GABRA2: variants seen among roughly 807,000 people sequenced by gnomAD.
GABRA2 encodes the protein gamma-aminobutyric acid type A receptor subunit alpha2.
A neutral mutation model predicts 48.7 loss-of-function variants in GABRA2; 16 were observed. The observed-to-expected ratio is 0.33, with a 90% confidence interval of 0.22 to 0.50. The LOEUF (loss-of-function observed/expected upper bound fraction) is 0.50, where lower values mean the gene tolerates loss of function less well. GABRA2 is among the 20% of genes least tolerant of loss of function. The pLI is 0.98. For missense variants in GABRA2, 275 were observed against 535.6 expected (o/e 0.51, Z 4.80); for synonymous variants, 185 against 184.5 (o/e 1.00, Z -0.02).
chr4:46,322,284 G>A (rs772173731), intron 4 of GABRA2, among the ~76,000 whole-genome samples: 31 of 152,004 alleles, frequency 2.0e-4, no homozygotes, highest in Non-Finnish European at 2.8e-4. Context: ...AAGCATTGCC[G>A]TAATGTGAGA....
chr4:46,292,108 T>C (rs994228091), intron 8 of GABRA2, among the ~76,000 whole-genome samples: 8 of 152,160 alleles, frequency 5.3e-5, no homozygotes, highest in African/African-American at 1.9e-4. Context: ...CTTTAGGGAT[T>C]CTACACATAA....
rs1162528400 is a variant in GABRA2 at position 46,249,032 on chromosome 4, GTA to G, written c.*1274_*1275del. ...AAATTGTGTTTTCTAATTTAGCTGT[GTA>G]TGTGTGTGTGTGTGTGTGTGTGTGT... is the stretch of plus-strand genomic sequence containing the variant. On this transcript the variant is annotated 3_prime_UTR_variant, in exon 10 of 10. Transcript: ENST00000381620. 3.9e-4 allele frequency: 55 copies of G among 141,978 alleles called. No individual in the cohort carries two copies. The highest frequency in any genetic ancestry group is 1.4e-3 in the African/African-American group (49 of 34,846). The allele number at this position is 141,978 out of a possible 1,614,324, so 8.8% of individuals were successfully genotyped here.
intron 4 of GABRA2, among the ~76,000 whole-genome samples, chr4:46,325,230 C>T (rs1730150420): frequency 6.6e-6 from 1 of 151,958 alleles, no homozygotes; most frequent in African/African-American, 2.4e-5. Context: ...ACTCCTTTTT[C>T]TCTGAAACTT....
chr4:46,371,458 T>A (rs1714877424), intron 3 of GABRA2, among the ~76,000 whole-genome samples: 1 of 152,178 alleles, frequency 6.6e-6, no homozygotes, highest in African/African-American at 2.4e-5. Context: ...GTTCACAACC[T>A]TCATTACAGA....
intron 8 of GABRA2, among the ~76,000 whole-genome samples, chr4:46,262,883 C>CA (rs1717271170): frequency 7.5e-6 from 1 of 132,966 alleles, no homozygotes; most frequent in African/African-American, 2.9e-5. Context: ...GGCGACAGAG[C>CA]AAAAGTCCGT....
chr4:46,328,042 A>G (rs1730682457), intron 4 of GABRA2, among the ~76,000 whole-genome samples: 1 of 152,074 alleles, frequency 6.6e-6, no homozygotes, highest in Non-Finnish European at 1.5e-5. Context: ...AACCAAGGAA[A>G]AAGGGAAAAA....
At chr4:46,362,368 A>G (rs143482018) in intron 3 of GABRA2, among the ~76,000 whole-genome samples, 1 of 152,280 alleles carries the variant, frequency 6.6e-6, no homozygotes, top group East Asian at 1.9e-4. Context: ...GTCTTCCACT[A>G]TGATTACAAG....
At chr4:46,273,757 T>A (rs1411378335) in intron 8 of GABRA2, among the ~76,000 whole-genome samples, 1 of 151,908 alleles carries the variant, frequency 6.6e-6, no homozygotes, top group Non-Finnish European at 1.5e-5. Flanking sequence ...TTTCTGTTTC[T>A]TGTATCTCTG....
intron 8 of GABRA2, among the ~76,000 whole-genome samples, chr4:46,285,969 C>G (rs1310992790): frequency 2.6e-5 from 4 of 152,044 alleles, no homozygotes; most frequent in Non-Finnish European, 5.9e-5. Flanking sequence ...AAGAGAGATT[C>G]ATATGACATA....
Position 46,250,284 on chromosome 4 carries a change from C to G in GABRA2, c.*24G>C. On this transcript the variant is annotated 3_prime_UTR_variant, in exon 10 of 10. Coordinates refer to ENST00000381620, the MANE Select transcript of GABRA2 (RefSeq NM_000807.4). Reference sequence around the variant, plus strand: ...AACCAAATTTAATGTTGCTATACATCCCAAAGATAACATGGGTCTCAATTC... The same window carrying G: ...AACCAAATTTAATGTTGCTATACATGCCAAAGATAACATGGGTCTCAATTC... 1 of 1,589,060 alleles carries G rather than the reference C, an allele frequency of 6.3e-7. No individual in the cohort carries two copies. The highest frequency in any genetic ancestry group is 1.1e-5 in the South Asian group (1 of 87,798).
chr4:46,311,244 C>T (rs1348813068), intron 5 of GABRA2, among the ~76,000 whole-genome samples: 1 of 152,150 alleles, frequency 6.6e-6, no homozygotes, highest in Non-Finnish European at 1.5e-5. Context: ...CTAGCACTTC[C>T]ATTTAGGCAA....
intron 3 of GABRA2, chr4:46,364,632 G>T (rs568137325): frequency 1.3e-5 from 2 of 152,296 alleles, no homozygotes; most frequent in African/African-American, 4.8e-5. Context: ...TTCCCTGCTG[G>T]CTGTCAAGTC....
intron 3 of GABRA2, among the ~76,000 whole-genome samples, chr4:46,339,181 A>C (rs1172142851): frequency 2.0e-5 from 3 of 151,882 alleles, no homozygotes; most frequent in Non-Finnish European, 2.9e-5. Context: ...CTCCTATGGT[A>C]GACATGAGAC....
Position 46,250,486 on chromosome 4 carries a change from G to T in GABRA2, c.1178C>A (p.Thr393Lys). The change falls in exon 10 of 10, where the codon ACG (threonine) becomes AAG (lysine). Residue 393 changes from threonine to lysine, a missense_variant. Thr to Lys is a moderately conservative substitution (Grantham distance 78, BLOSUM62 -1). Transcript: ENST00000381620. ...TTCTGGCTTCTTGTTGGGTTCTGGC[G>T]TGGTTGCACTCTTGGAGATGGTGGA... is the stretch of plus-strand genomic sequence containing the variant. ...VLSTISKSAT[T>K]PEPNKKPENK... 1 of 1,612,038 alleles carries T rather than the reference G, an allele frequency of 6.2e-7. No individual in the cohort carries two copies. Among genetic ancestry groups the T allele is most frequent in the Non-Finnish European group, 8.5e-7 (1 of 1,178,644 alleles).
At position 46,324,414 on chromosome 4, in the gene GABRA2, T is replaced by C. The variant is rs139898322; in HGVS notation, c.255+8201A>G. Among the ~76,000 whole-genome samples, 588 of 152,084 alleles carry C rather than the reference T, an allele frequency of 3.9e-3. 2 individuals carry two copies. Among genetic ancestry groups the C allele is most frequent in the Middle Eastern group, 0.014 (4 of 292 alleles). ...TAGTAGCAACAGTGGATAATATTTA[T>C]TATTCTTAATCTAGGCATACAAGTT... is the stretch of plus-strand genomic sequence containing the variant. On this transcript the variant is annotated intron_variant, in intron 4 of 9. Transcript: ENST00000381620.
rs141326727 is a variant in GABRA2, at chr4:46,269,745, T to A, written c.857-7617A>T. Among the ~76,000 whole-genome samples the A allele has an allele frequency of 2.7e-3, 415 of 151,922 alleles. 5 individuals are homozygous for A. The highest frequency in any genetic ancestry group is 9.7e-3 in the African/African-American group (401 of 41,532). The stretch of plus-strand genomic sequence containing the variant: ...TTCACATTTTTTTACTATTGTAAAA[T>A]GAAATACCAGAAATAAAATTAAAAG... On this transcript the variant is annotated intron_variant, in intron 8 of 9. Transcript: ENST00000381620.
intron 4 of GABRA2, among the ~76,000 whole-genome samples, chr4:46,314,236 TA>T (rs1269372323): frequency 2.6e-5 from 4 of 152,132 alleles, no homozygotes; most frequent in African/African-American, 7.2e-5. Context: ...AATACTAGCC[TA>T]ATGTGACTGC....
At chr4:46,331,669 A>T (rs1345379632) in intron 4 of GABRA2, among the ~76,000 whole-genome samples, 1 of 152,162 alleles carries the variant, frequency 6.6e-6, no homozygotes, top group Non-Finnish European at 1.5e-5. Flanking sequence ...TGGTGATTCC[A>T]GCCCACCAGT....
At chr4:46,255,702 T>C (rs1715678775) in intron 9 of GABRA2, among the ~76,000 whole-genome samples, 1 of 151,594 alleles carries the variant, frequency 6.6e-6, no homozygotes, top group Non-Finnish European at 1.5e-5. Context: ...GTTTTGAGTG[T>C]ATTACTTTAT....
Sources: allele counts gnomAD v4.1 joint callset (sites outside exome capture counted in the v4.1 genomes callset), GRCh38; gene constraint gnomAD v4.1.1; transcripts MANE v1.5; gene names NCBI Gene and HGNC (gene_info 2026-07-23, HGNC 2026-07-21).